PAX2: variants seen among roughly 807,000 people sequenced by gnomAD.
PAX2 encodes paired box 2, also known as paired box protein Pax-2.
In PAX2, 9 loss-of-function variants were observed where a neutral mutation model predicts 41.7. That is an observed-to-expected ratio of 0.22 (90% CI 0.13 to 0.38). The LOEUF (loss-of-function observed/expected upper bound fraction) is 0.38. Ranked by LOEUF, PAX2 falls within the 10% of genes least tolerant of loss-of-function variation. The probability of loss-of-function intolerance (pLI) is 1.00; values close to 1 mark genes in which losing one functional copy is unlikely to be tolerated. For missense variants in PAX2, 418 were observed against 531.6 expected (o/e 0.79, Z 2.10); for synonymous variants, 221 against 212.7 (o/e 1.04, Z -0.34).
intron 3 of PAX2, among the ~76,000 whole-genome samples, chr10:100,768,541 T>TA (rs199816212): frequency 6.6e-6 from 1 of 152,248 alleles, no homozygotes; most frequent in South Asian, 2.1e-4. Flanking sequence ...TAAGCGTGTT[T>TA]AAAATCACAG....
At chr10:100,769,499 G>T (rs1846133719) in intron 3 of PAX2, among the ~76,000 whole-genome samples, 1 of 151,910 alleles carries the variant, frequency 6.6e-6, no homozygotes, top group Non-Finnish European at 1.5e-5. Context: ...GTGGTGGTGT[G>T]CACCTATAAT....
intron 1 of PAX2, among the ~76,000 whole-genome samples, chr10:100,738,271 C>G (rs980214298): frequency 1.3e-5 from 2 of 152,188 alleles, no homozygotes; most frequent in Admixed American, 1.3e-4. Context: ...TTTGCCAGGC[C>G]TCCTCACCCC....
upstream of PAX2, among the ~76,000 whole-genome samples, chr10:100,742,843 C>CCTTTTTTTTTTTTTTTTTTTT (rs1845014342): frequency 2.4e-5 from 1 of 41,206 alleles, no homozygotes; most frequent in African/African-American, 1.0e-4. Context: ...TTCTTTCTTC[C>CCTTTTTTTTTTTTTTTTTTTT]TTTTTTTTTT....
intron 3 of PAX2, among the ~76,000 whole-genome samples, chr10:100,765,552 CA>C (rs1845990654): frequency 6.6e-6 from 1 of 152,184 alleles, no homozygotes; most frequent in African/African-American, 2.4e-5. Flanking sequence ...TTTTAATGAG[CA>C]AAATTAGAAT....
chr10:100,756,322 C>T (rs1204728298), intron 3 of PAX2, among the ~76,000 whole-genome samples: 1 of 152,152 alleles, frequency 6.6e-6, no homozygotes, highest in African/African-American at 2.4e-5. Context: ...AGCTACTCTG[C>T]AGGTTGCCTC....
At chr10:100,802,928 G>T (rs145779014) in intron 5 of PAX2, among the ~76,000 whole-genome samples, 37 of 152,120 alleles carry the variant, frequency 2.4e-4, no homozygotes, top group African/African-American at 8.4e-4. Flanking sequence ...TCAACAGCTG[G>T]GCCTAACAGT....
chr10:100,765,981 C>T (rs574474388), intron 3 of PAX2, among the ~76,000 whole-genome samples: 13 of 152,004 alleles, frequency 8.6e-5, no homozygotes, highest in Non-Finnish European at 1.8e-4. Flanking sequence ...CAGTAGGAAC[C>T]GTTACAAGCA....
chr10:100,740,057 G>A (rs1844899848), intron 1 of PAX2, among the ~76,000 whole-genome samples: 1 of 152,142 alleles, frequency 6.6e-6, no homozygotes, highest in Admixed American at 6.5e-5. Context: ...CCTCCTCCCA[G>A]CCAGGCCTCT....
intron 7 of PAX2, among the ~76,000 whole-genome samples, chr10:100,821,145 T>A (rs1421990222): frequency 6.6e-6 from 1 of 152,252 alleles, no homozygotes; most frequent in Non-Finnish European, 1.5e-5. Flanking sequence ...GCAAATGGTA[T>A]GACAGTCTTA....
At position 100,750,880 on chromosome 10, in the gene PAX2, T is replaced by A; in HGVS notation, c.399T>A (p.Ser133=). Reference sequence around the variant, plus strand: ...ACAATGACACAGTGCCCAGCGTCTCTTCCATCAACAGGTGAGCAAGCCACC... The same window carrying A: ...ACAATGACACAGTGCCCAGCGTCTCATCCATCAACAGGTGAGCAAGCCACC... ...ICDNDTVPSV[S]SINRIIRTKV... is the part of the protein sequence containing the mutation. The change falls in exon 3 of 10, where the codon TCT becomes TCA. Residue 133 remains serine (S), a synonymous_variant. Coordinates refer to ENST00000355243, the MANE Select transcript of PAX2 (RefSeq NM_000278.5). The surrounding 1 kb of genome is among the most constrained non-coding windows in gnomAD (Gnocchi z 4.1). 1 of 1,613,840 alleles carries A rather than the reference T, an allele frequency of 6.2e-7. No homozygotes were observed. The highest frequency in any genetic ancestry group is 8.5e-7 in the Non-Finnish European group (1 of 1,179,760).
At position 100,737,469 on chromosome 10, in the gene PAX2, T is replaced by C. The variant is rs556022866; in HGVS notation, c.25+1736T>C. Among the ~76,000 whole-genome samples, 52 of 152,376 alleles carry C rather than the reference T, an allele frequency of 3.4e-4. No homozygotes were observed. The South Asian group carries it at 0.01, about 30-fold the overall frequency. On this transcript the variant is annotated intron_variant, in intron 1 of 9. Transcript: ENST00000679374. The stretch of plus-strand genomic sequence containing the variant: ...CGGCCCGACTCCGCACCGCACTTCC[T>C]TTCCCTTCCCTCTTTTCCCGCCTTT...
rs575026361 is a variant in PAX2, at chr10:100,789,911, T to C, written c.616+8546T>C. 4.6e-5 allele frequency among the ~76,000 whole-genome samples: 7 copies of C among 152,336 alleles called. No individual in the cohort carries two copies. The South Asian group carries it at 1.5e-3, about 32-fold the overall frequency. On this transcript the variant is annotated intron_variant, in intron 5 of 9. Transcript: ENST00000355243. ...CAGAGGTAGGTGTAGGTTCTGTCGATGTTTTAGAAGGACCTTTATCTTGGG... is the reference window on the plus strand; with the variant it reads ...CAGAGGTAGGTGTAGGTTCTGTCGACGTTTTAGAAGGACCTTTATCTTGGG...
intron 8 of PAX2, among the ~76,000 whole-genome samples, chr10:100,825,937 A>G (rs1484546724): frequency 7.4e-6 from 1 of 134,838 alleles, no homozygotes; most frequent in African/African-American, 2.8e-5. Context: ...GAGGTTTTAA[A>G]GAGGTGGGGT....
intron 3 of PAX2, 66 bp from the exon 4 acceptor site, chr10:100,779,432 T>G: frequency 7.4e-7 from 1 of 1,345,312 alleles, no homozygotes; most frequent in Non-Finnish European, 1.0e-6. Context: ...TTTGCAGGGC[T>G]GGGCTGGAAT....
At chr10:100,800,969 A>G (rs995245831) in intron 5 of PAX2, among the ~76,000 whole-genome samples, 1 of 152,266 alleles carries the variant, frequency 6.6e-6, no homozygotes, top group African/African-American at 2.4e-5. Flanking sequence ...GTGATTGGGA[A>G]GTAACCACTG....
intron 5 of PAX2, among the ~76,000 whole-genome samples, chr10:100,801,150 C>T (rs977882151): frequency 9.9e-5 from 15 of 152,184 alleles, no homozygotes; most frequent in Non-Finnish European, 2.1e-4. Context: ...GGCACCTGCC[C>T]TGTGCCAGGA....
At chr10:100,779,670 C>A (rs138946406) in intron 4 of PAX2, 87 bp downstream of exon 4, 1 of 1,061,316 alleles carries the variant, frequency 9.4e-7, no homozygotes, top group Non-Finnish European at 1.4e-6. Flanking sequence ...ACTGCCTGCC[C>A]GCTTGAGGTC....
At chr10:100,803,496 G>T (rs1847642407) in intron 5 of PAX2, among the ~76,000 whole-genome samples, 1 of 152,016 alleles carries the variant, frequency 6.6e-6, no homozygotes, top group Non-Finnish European at 1.5e-5. Context: ...TACGTGTGGT[G>T]TATTTGGAGG....
intron 7 of PAX2, among the ~76,000 whole-genome samples, chr10:100,822,005 G>C (rs1373824984): frequency 6.6e-6 from 1 of 152,224 alleles, no homozygotes; most frequent in African/African-American, 2.4e-5. Flanking sequence ...TGATATTGCT[G>C]TCATTGTCTA....
Sources: gnomAD v4.1 joint callset for allele counts (sites outside exome capture counted in the v4.1 genomes callset) on GRCh38, gnomAD v4.1.1 for gene constraint, Gnocchi (gnomAD v3.1) non-coding constraint, MANE v1.5 for transcripts, NCBI Gene and HGNC (gene_info 2026-07-23, HGNC 2026-07-21) for gene names.